TMEM117: variants seen among roughly 807,000 people sequenced by gnomAD.
TMEM117 encodes transmembrane protein 117.
In TMEM117, 27 loss-of-function variants were observed where a neutral mutation model predicts 52.4. The observed-to-expected ratio is 0.51, with a 90% confidence interval of 0.38 to 0.71. The LOEUF (loss-of-function observed/expected upper bound fraction) is 0.71. TMEM117 is among the 30% of genes least tolerant of loss of function. The pLI is 0.00. For missense variants in TMEM117, 556 were observed against 630.5 expected (o/e 0.88, Z 1.26); for synonymous variants, 215 against 206.3 (o/e 1.04, Z -0.36).
the TMEM117 span, among the ~76,000 whole-genome samples, chr12:43,806,829 G>C: frequency 6.6e-6 from 1 of 152,124 alleles, no homozygotes; most frequent in African/African-American, 2.4e-5. Context: ...ATCTCAGACT[G>C]TTAACTTTTC....
At chr12:44,216,072 A>G (rs1949714704) in intron 5 of TMEM117, among the ~76,000 whole-genome samples, 1 of 143,494 alleles carries the variant, frequency 7.0e-6, no homozygotes, top group East Asian at 2.0e-4. Context: ...CAGTGGCCCA[A>G]TCTTGGCTCA....
chr12:44,001,761 C>A (rs1327042891), intron 3 of TMEM117, among the ~76,000 whole-genome samples: 2 of 151,912 alleles, frequency 1.3e-5, no homozygotes, highest in Admixed American at 1.3e-4. Flanking sequence ...GGGAGTGGGA[C>A]TTCAAGGGTA....
chr12:43,875,789 G>T (rs769067594), intron 2 of TMEM117, among the ~76,000 whole-genome samples: 7 of 152,136 alleles, frequency 4.6e-5, no homozygotes, highest in Non-Finnish European at 1.0e-4. Flanking sequence ...ATAAGGGAAA[G>T]AAATCAGAGG....
At chr12:44,276,110 A>T (rs1166940997) in intron 5 of TMEM117, among the ~76,000 whole-genome samples, 1 of 152,158 alleles carries the variant, frequency 6.6e-6, no homozygotes, top group Admixed American at 6.6e-5. Flanking sequence ...TAGAACTGTC[A>T]TGTGATCAAG....
At chr12:44,227,356 T>C (rs1249868364) in intron 5 of TMEM117, among the ~76,000 whole-genome samples, 2 of 152,014 alleles carry the variant, frequency 1.3e-5, no homozygotes, top group Non-Finnish European at 2.9e-5. Context: ...CCCAACTACT[T>C]GGGAGGCTGA....
intron 5 of TMEM117, among the ~76,000 whole-genome samples, chr12:44,242,751 A>G (rs1036463031): frequency 2.0e-5 from 3 of 148,850 alleles, no homozygotes; most frequent in African/African-American, 7.3e-5. Context: ...TAGTCTATCT[A>G]TATATTATAT....
chr12:44,333,374 G>T (rs1592699974), intron 6 of TMEM117, among the ~76,000 whole-genome samples: 1 of 152,090 alleles, frequency 6.6e-6, no homozygotes, highest in South Asian at 2.1e-4. Context: ...ATGAATTATA[G>T]AAATAAATAC....
chr12:44,023,819 G>A (rs867702006), intron 3 of TMEM117, among the ~76,000 whole-genome samples: 4 of 131,076 alleles, frequency 3.1e-5, no homozygotes, highest in South Asian at 3.1e-4. Context: ...GTTGTGGGGT[G>A]GGGGGAGGGG....
At chr12:44,070,359 T>C (rs1947283964) in intron 3 of TMEM117, among the ~76,000 whole-genome samples, 1 of 152,190 alleles carries the variant, frequency 6.6e-6, no homozygotes, top group African/African-American at 2.4e-5. Flanking sequence ...CTTGGAAAGC[T>C]TTACCTCTGT....
In TMEM117 at chr12:43,886,095, G is replaced by T. The variant is rs890071954; in HGVS notation, c.277+41167G>T. 6.8e-4 allele frequency among the ~76,000 whole-genome samples: 103 copies of T among 152,254 alleles called. 2 individuals are homozygous for T. The highest frequency in any genetic ancestry group is 6.7e-3 in the Admixed American group (102 of 15,290). On this transcript the variant is annotated intron_variant, in intron 2 of 7. Coordinates refer to ENST00000266534, the MANE Select transcript of TMEM117 (RefSeq NM_032256.3). ...ATAGAGAGGCATTAAAAGATCTTAA[G>T]CAGTAGAGTAATAATTTAGATAGAT...
chr12:44,266,670 C>A (rs1950381727), intron 5 of TMEM117, among the ~76,000 whole-genome samples: 1 of 152,094 alleles, frequency 6.6e-6, no homozygotes, highest in Non-Finnish European at 1.5e-5. Context: ...CTTCAGGTAT[C>A]ACATTTAAGA....
At chr12:44,340,070 A>G (rs1247922951) in intron 6 of TMEM117, among the ~76,000 whole-genome samples, 7 of 152,106 alleles carry the variant, frequency 4.6e-5, no homozygotes, top group Non-Finnish European at 8.8e-5. Context: ...GATTTGGAAC[A>G]TAACTACATA....
At chr12:43,986,290 A>G (rs752471074) in intron 3 of TMEM117, among the ~76,000 whole-genome samples, 1 of 152,214 alleles carries the variant, frequency 6.6e-6, no homozygotes, top group Non-Finnish European at 1.5e-5. Flanking sequence ...AATAAAAATC[A>G]TCTACAGTTA....
At chr12:44,245,452 G>A (rs1950116781) in intron 5 of TMEM117, among the ~76,000 whole-genome samples, 1 of 151,690 alleles carries the variant, frequency 6.6e-6, no homozygotes, top group Non-Finnish European at 1.5e-5. Context: ...TTTAATTTTT[G>A]ATGCTATTGT....
chr12:44,046,370 A>G (rs1946881049), intron 3 of TMEM117, among the ~76,000 whole-genome samples: 1 of 152,218 alleles, frequency 6.6e-6, no homozygotes, highest in African/African-American at 2.4e-5. Flanking sequence ...GACCTGGACT[A>G]TCAAGATGAA....
the TMEM117 span, among the ~76,000 whole-genome samples, chr12:43,822,142 T>C: frequency 6.6e-6 from 1 of 152,246 alleles, no homozygotes; most frequent in Non-Finnish European, 1.5e-5. Context: ...CCAGTGCATT[T>C]TTTTATGTGT....
intron 4 of TMEM117, among the ~76,000 whole-genome samples, chr12:44,157,075 T>C (rs1366598437): frequency 6.6e-6 from 1 of 152,166 alleles, no homozygotes; most frequent in Non-Finnish European, 1.5e-5. Flanking sequence ...GGACAAGCAC[T>C]GCCAGCCCAC....
chr12:44,211,451 T>C, intron 5 of TMEM117, 64 bp downstream of exon 5: 1 of 1,169,148 alleles, frequency 8.6e-7, no homozygotes, highest in South Asian at 1.3e-5. Flanking sequence ...TTTAGTTGGA[T>C]GTAATTTTCC....
chr12:43,824,692 T>C, the TMEM117 span, among the ~76,000 whole-genome samples: 1 of 152,090 alleles, frequency 6.6e-6, no homozygotes. Context: ...TCCTAGCACT[T>C]TGGGAGGCCG....
Sources: gnomAD v4.1 joint callset for allele counts (sites outside exome capture counted in the v4.1 genomes callset) on GRCh38, gnomAD v4.1.1 for gene constraint, MANE v1.5 for transcripts, NCBI Gene and HGNC (gene_info 2026-07-23, HGNC 2026-07-21) for gene names.